Variants in GPC3 observed in about 807,000 individuals in gnomAD.
GPC3 encodes glypican-3.
Under a neutral mutation model 34.4 loss-of-function variants are expected in GPC3, and 3 were observed. The ratio of observed to expected loss-of-function variants is 0.09; its 90% CI spans 0.04 to 0.23. The LOEUF is 0.23. Among genes scored for constraint, GPC3 ranks in the 10% least tolerant of loss-of-function variants. The probability of loss-of-function intolerance (pLI) is 1.00; values close to 1 mark genes in which losing one functional copy is unlikely to be tolerated. For synonymous variants in GPC3, 177 were observed against 174.0 expected, an observed-to-expected ratio of 1.02 and a Z score of -0.13; for missense variants, 351 against 445.6, an observed-to-expected ratio of 0.79 and a Z score of 1.91.
At chrX:133,783,903 G>A (rs1008494709) in intron 2 of GPC3, among the ~76,000 whole-genome samples, 1 of 111,586 alleles carries the variant, frequency 9.0e-6, no homozygotes, top group Non-Finnish European at 1.9e-5. Flanking sequence ...ATCCATATTC[G>A]AGTTTTGGGG....
chrX:133,825,856 C>CAGAG (rs765771858), intron 2 of GPC3, among the ~76,000 whole-genome samples: 1 of 111,684 alleles, frequency 9.0e-6, no homozygotes, highest in Non-Finnish European at 1.9e-5. Flanking sequence ...AATATACACA[C>CAGAG]AGAGCCCCTC....
At chrX:133,559,284 G>A (rs2069521767) in intron 7 of GPC3, among the ~76,000 whole-genome samples, 1 of 111,745 alleles carries the variant, frequency 8.9e-6, no homozygotes, top group South Asian at 3.8e-4. Context: ...GGGGACAGGA[G>A]AACCCATGGA....
intron 3 of GPC3, among the ~76,000 whole-genome samples, chrX:133,747,947 C>G (rs2071626837): frequency 8.9e-6 from 1 of 112,160 alleles, no homozygotes; most frequent in Admixed American, 9.5e-5. Flanking sequence ...GAAGCACTAA[C>G]TCTGAGAAAT....
chrX:133,901,606 A>C (rs981121881), intron 2 of GPC3, among the ~76,000 whole-genome samples: 1 of 109,684 alleles, frequency 9.1e-6, no homozygotes, highest in Admixed American at 9.7e-5. Flanking sequence ...ACACCCAGTA[A>C]ATTTTTGTAT....
At chrX:133,847,469 C>T (rs1820560099) in intron 2 of GPC3, among the ~76,000 whole-genome samples, 1 of 112,270 alleles carries the variant, frequency 8.9e-6, no homozygotes, top group Non-Finnish European at 1.9e-5. Flanking sequence ...AGACATCCGA[C>T]TGCCTATATA....
intron 2 of GPC3, among the ~76,000 whole-genome samples, chrX:133,899,348 A>G (rs1330893513): frequency 9.0e-6 from 1 of 111,464 alleles, no homozygotes; most frequent in Non-Finnish European, 1.9e-5. Flanking sequence ...CTGAGGCCAC[A>G]TCTACCTTCC....
chrX:133,926,431 A>G (rs1284317155), intron 2 of GPC3, among the ~76,000 whole-genome samples: 3 of 112,149 alleles, frequency 2.7e-5, no homozygotes, highest in Non-Finnish European at 5.6e-5. Flanking sequence ...TTCTGTGAAA[A>G]CAGAATCTGA....
In GPC3 at chrX:133,536,050, TA is replaced by T. The variant is rs1268628286; in HGVS notation, c.*73del. On this transcript the variant is annotated 3_prime_UTR_variant, in exon 8 of 8. Transcript: ENST00000370818. ...ACAAAAAAAAAAAAATAGAAAAAAATAAGAAAGTGGTTCCCTTTATCGAGGA... is the reference window on the plus strand; with the variant it reads ...ACAAAAAAAAAAAAATAGAAAAAAATAGAAAGTGGTTCCCTTTATCGAGGA... 1.3e-6 allele frequency: 1 copy of T among 773,818 alleles called. No individual in the cohort carries two copies. The highest frequency in any genetic ancestry group is 1.9e-6 in the Non-Finnish European group (1 of 534,975). 63.8% of individuals were successfully genotyped at this position (773,818 alleles called of 1,213,427 possible).
chrX:133,919,449 T>C (rs914782400), intron 2 of GPC3, among the ~76,000 whole-genome samples: 4 of 111,896 alleles, frequency 3.6e-5, no homozygotes, highest in Non-Finnish European at 7.5e-5. Context: ...ATATATTCTT[T>C]AAAAAGATAA....
At chrX:133,580,419 G>A (rs2069722408) in intron 7 of GPC3, among the ~76,000 whole-genome samples, 1 of 111,819 alleles carries the variant, frequency 8.9e-6, no homozygotes, top group African/African-American at 3.2e-5. Flanking sequence ...CATTATTGTT[G>A]TTCTCCCAAA....
intron 3 of GPC3, among the ~76,000 whole-genome samples, chrX:133,729,263 C>T (rs776240710): frequency 2.8e-4 from 31 of 111,236 alleles, no homozygotes; most frequent in Admixed American, 7.7e-4. Context: ...AAATGAGTTC[C>T]GGACTGGAGT....
intron 7 of GPC3, among the ~76,000 whole-genome samples, chrX:133,543,149 C>T (rs1021676743): frequency 7.2e-5 from 8 of 110,403 alleles, no homozygotes; most frequent in East Asian, 5.7e-4. Flanking sequence ...TAGACAGTCT[C>T]GCCGTGTCAC....
At chrX:133,773,996 T>C (rs952644068) in intron 2 of GPC3, among the ~76,000 whole-genome samples, 5 of 112,230 alleles carry the variant, frequency 4.5e-5, no homozygotes, top group African/African-American at 1.6e-4. Flanking sequence ...AACAATATAA[T>C]GTAGTATCTT....
intron 2 of GPC3, among the ~76,000 whole-genome samples, chrX:133,831,061 T>C (rs1205281586): frequency 9.0e-6 from 1 of 111,625 alleles, no homozygotes; most frequent in Non-Finnish European, 1.9e-5. Context: ...TAAAAAAGAT[T>C]ATAGTGATAC....
At chrX:133,751,268 C>T (rs2071665848) in intron 3 of GPC3, among the ~76,000 whole-genome samples, 1 of 110,746 alleles carries the variant, frequency 9.0e-6, no homozygotes, top group Non-Finnish European at 1.9e-5. Flanking sequence ...TTTCCAAGCC[C>T]CTGGCATGCT....
intron 2 of GPC3, among the ~76,000 whole-genome samples, chrX:133,899,916 C>T (rs1243634031): frequency 1.8e-5 from 2 of 111,397 alleles, no homozygotes; most frequent in East Asian, 2.8e-4. Context: ...AATTCTCTTG[C>T]GTCAGCCTCC....
At chrX:133,954,434 G>A (rs750214018) in intron 1 of GPC3, among the ~76,000 whole-genome samples, 5 of 111,814 alleles carry the variant, frequency 4.5e-5, no homozygotes, top group Non-Finnish European at 9.4e-5. Context: ...GAGTGCAGTG[G>A]CGCGATCTCA....
intron 2 of GPC3, among the ~76,000 whole-genome samples, chrX:133,877,209 G>C (rs1157027466): frequency 1.8e-5 from 2 of 111,512 alleles, no homozygotes; most frequent in African/African-American, 6.5e-5. Flanking sequence ...CTACACATTA[G>C]AGTTTGTAAT....
chrX:133,794,325 AGGGCCTGT>A (rs1378899656), intron 2 of GPC3, among the ~76,000 whole-genome samples: 1 of 112,012 alleles, frequency 8.9e-6, no homozygotes, highest in Non-Finnish European at 1.9e-5. Context: ...AGAACAGAGC[AGGGCCTGT>A]GAATTCCAAG....
Sources: gnomAD v4.1 joint callset for allele counts (sites outside exome capture counted in the v4.1 genomes callset) on GRCh38, gnomAD v4.1.1 for gene constraint, MANE v1.5 for transcripts, NCBI Gene and HGNC (gene_info 2026-07-23, HGNC 2026-07-21) for gene names.